The following XRN2 variants were observed in gnomAD, a reference collection of about 807,000 sequenced individuals.
The protein encoded by XRN2 is DHM1-like protein.
XRN2 carries 44 observed loss-of-function variants against 138.5 expected under a neutral mutation model. The observed-to-expected ratio is 0.32, with a 90% CI of 0.25 to 0.41. The LOEUF is 0.41. Among genes scored for constraint, XRN2 ranks in the 10% least tolerant of loss-of-function variants. XRN2 has a pLI of 1.00. For synonymous variants in XRN2, 354 were observed against 369.4 expected (o/e 0.96, Z 0.48); for missense variants, 937 against 1,169.3 (o/e 0.80, Z 2.90).
intron 16 of XRN2, among the ~76,000 whole-genome samples, chr20:21,345,798 G>A (rs1328222659): frequency 6.6e-6 from 1 of 152,138 alleles, no homozygotes. Context: ...GAATGTGTAT[G>A]TCTCTCTATA....
At chr20:21,382,608 G>A (rs1258063595) in intron 28 of XRN2, among the ~76,000 whole-genome samples, 1 of 152,184 alleles carries the variant, frequency 6.6e-6, no homozygotes, top group East Asian at 1.9e-4. Context: ...ACTTAAGACT[G>A]AACTGAATTA....
intron 1 of XRN2, among the ~76,000 whole-genome samples, chr20:21,310,494 A>C (rs1022765677): frequency 6.6e-6 from 1 of 152,166 alleles, no homozygotes; most frequent in African/African-American, 2.4e-5. Flanking sequence ...TAGGTGCATA[A>C]ATGCTTAACA....
Position 21,333,766 on chromosome 20 carries a change from T to C in XRN2, c.996T>C (p.Ile332=), listed in dbSNP as rs756158036. 5 of 1,614,168 alleles carry C rather than the reference T, an allele frequency of 3.1e-6. No homozygotes were observed. Among genetic ancestry groups the C allele is most frequent in the Non-Finnish European group, 3.4e-6 (4 of 1,180,028 alleles). ...LPFTFDVERS[I]DDWVFMCFFV... is the part of the protein sequence containing the mutation. ...TCACATTTGATGTTGAGAGGAGCAT[T>C]GATGACTGGGTTTTCATGTGCTTCT... is the stretch of plus-strand genomic sequence containing the variant. The change falls in exon 11 of 30, where the codon ATT becomes ATC. Residue 332 remains isoleucine (I), a synonymous_variant. Transcript: ENST00000377191.
At chr20:21,333,102 T>G (rs1192741753) in intron 9 of XRN2, among the ~76,000 whole-genome samples, 3 of 152,200 alleles carry the variant, frequency 2.0e-5, no homozygotes, top group African/African-American at 7.2e-5. Flanking sequence ...TTCAGATATG[T>G]AATACAATAA....
chr20:21,312,391 G>T (rs6047371), intron 1 of XRN2, among the ~76,000 whole-genome samples: 5 of 151,870 alleles, frequency 3.3e-5, no homozygotes, highest in African/African-American at 1.2e-4. Flanking sequence ...ACCGTGCCCG[G>T]CCTTAGGTTG....
chr20:21,349,712 C>T (rs779952175), intron 20 of XRN2, among the ~76,000 whole-genome samples: 14 of 151,738 alleles, frequency 9.2e-5, no homozygotes, highest in Admixed American at 6.6e-5. Context: ...CACTGCATTC[C>T]AGCCTGGAAG....
intron 1 of XRN2, among the ~76,000 whole-genome samples, chr20:21,312,068 G>T (rs2037888753): frequency 6.6e-6 from 1 of 152,004 alleles, no homozygotes; most frequent in Admixed American, 6.6e-5. Flanking sequence ...TGTCTCATCT[G>T]TTCATTGTTT....
At chr20:21,358,058 G>A (rs2038596525) in intron 24 of XRN2, among the ~76,000 whole-genome samples, 1 of 152,140 alleles carries the variant, frequency 6.6e-6, no homozygotes, top group Non-Finnish European at 1.5e-5. Context: ...TTAGGCAAGT[G>A]GGAGGTAAAG....
At chr20:21,347,890 T>C (rs1197201083) in intron 17 of XRN2, among the ~76,000 whole-genome samples, 1 of 152,234 alleles carries the variant, frequency 6.6e-6, no homozygotes, top group African/African-American at 2.4e-5. Flanking sequence ...ATATGAAGTT[T>C]GGCAGTAACT....
rs1045318429 is a variant in XRN2, at chr20:21,340,017, A to G, written c.1279-704A>G. Among the ~76,000 whole-genome samples the G allele has an allele frequency of 3.9e-5, 6 of 152,144 alleles. No individual in the cohort carries two copies. The South Asian group carries it at 6.2e-4, about 16-fold the overall frequency. The stretch of plus-strand genomic sequence containing the variant: ...ATTTGGTTTCTACTTATATATTATT[A>G]TTTTTGTCAGTATCTTAGTCAGCCA... On this transcript the variant is annotated intron_variant, in intron 14 of 29. Transcript: ENST00000377191.
chr20:21,379,945 G>C (rs963462803), intron 27 of XRN2, among the ~76,000 whole-genome samples: 9 of 152,014 alleles, frequency 5.9e-5, no homozygotes, highest in African/African-American at 1.9e-4. Flanking sequence ...GTTTCTGAAG[G>C]TTTCTCTTAA....
chr20:21,312,665 A>C lies in XRN2; in HGVS notation c.75+9192A>C, dbSNP rs1454759793. 2.0e-5 allele frequency among the ~76,000 whole-genome samples: 3 copies of C among 147,190 alleles called. No homozygotes were observed. In the East Asian group the frequency reaches 5.9e-4, roughly 29 times the overall value. ...TGCTCTGTTGCCCAGGCTGGAGTGC[A>C]GTGGTGCAATCTCTGCTCACTGCAA... On this transcript the variant is annotated intron_variant, in intron 1 of 29. Coordinates refer to ENST00000377191, the MANE Select transcript of XRN2 (RefSeq NM_012255.5).
intron 25 of XRN2, 40 bp downstream of exon 25, chr20:21,365,529 G>A (rs1172543282): frequency 5.6e-6 from 9 of 1,613,168 alleles, no homozygotes; most frequent in African/African-American, 1.3e-5. Context: ...TTGTACAAAT[G>A]GTTTTCATCC....
At chr20:21,324,914 C>T (rs1038538381) in intron 1 of XRN2, among the ~76,000 whole-genome samples, 6 of 152,228 alleles carry the variant, frequency 3.9e-5, no homozygotes, top group Non-Finnish European at 8.8e-5. Context: ...GTGCAATCAT[C>T]ACTATTATCT....
Position 21,303,358 on chromosome 20 carries a change from C to T in XRN2, c.-41C>T, listed in dbSNP as rs1038059921. The T allele has an allele frequency of 1.3e-6, 2 of 1,540,224 alleles. No homozygotes were observed. The highest frequency in any genetic ancestry group is 2.8e-5 in the African/African-American group (2 of 71,248). On this transcript the variant is annotated 5_prime_UTR_variant, in exon 1 of 30. Transcript: ENST00000377191. ...CGCTGCTCCCGTCTCTTTGGTTACG[C>T]TCGTCAGCCGGTCGGCCGCCGCCTC...
At chr20:21,376,677 A>T (rs2038826302) in intron 27 of XRN2, among the ~76,000 whole-genome samples, 1 of 152,188 alleles carries the variant, frequency 6.6e-6, no homozygotes, top group African/African-American at 2.4e-5. Context: ...GAAGGCTGAA[A>T]GTCTGGATAA....
intron 1 of XRN2, among the ~76,000 whole-genome samples, chr20:21,310,968 G>T (rs2037872645): frequency 6.6e-6 from 1 of 151,940 alleles, no homozygotes; most frequent in South Asian, 2.1e-4. Flanking sequence ...AGCCAGGATG[G>T]TCTTGATCTC....
intron 28 of XRN2, among the ~76,000 whole-genome samples, chr20:21,382,866 C>T (rs1041803255): frequency 6.6e-6 from 1 of 152,126 alleles, no homozygotes; most frequent in African/African-American, 2.4e-5. Flanking sequence ...ATGGTTTTGC[C>T]AACATCAGTA....
chr20:21,364,943 C>CGG, intron 24 of XRN2, among the ~76,000 whole-genome samples: 1 of 152,208 alleles, frequency 6.6e-6, no homozygotes, highest in Admixed American at 6.5e-5. Context: ...CCATCCCCCC[C>CGG]GCACCATAGA....
Sources: gnomAD v4.1 joint callset for allele counts (sites outside exome capture counted in the v4.1 genomes callset) on GRCh38, gnomAD v4.1.1 for gene constraint, MANE v1.5 for transcripts, NCBI Gene and HGNC (gene_info 2026-07-23, HGNC 2026-07-21) for gene names.